Variants in DDX11 observed in about 807,000 individuals in gnomAD.
DDX11 encodes ATP-dependent DNA helicase DDX11.
Under a neutral mutation model 125.2 loss-of-function variants are expected in DDX11, and 72 were observed. That is an observed-to-expected ratio of 0.58 (90% confidence interval 0.48 to 0.70). The LOEUF is 0.70. Among genes scored for constraint, DDX11 ranks in the 30% least tolerant of loss-of-function variants. The probability of loss-of-function intolerance (pLI) is 0.00; values close to 1 mark genes in which losing one functional copy is unlikely to be tolerated. For missense variants in DDX11, 883 were observed against 1,165.0 expected (o/e 0.76, Z 3.52); for synonymous variants, 347 against 452.6 (o/e 0.77, Z 2.96).
chr12:31,085,753 T>C (rs1943010725), intron 5 of DDX11, among the ~76,000 whole-genome samples: 1 of 152,218 alleles, frequency 6.6e-6, no homozygotes, highest in South Asian at 2.1e-4. Context: ...AGTATGGCAC[T>C]GTCCAGATGC....
chr12:31,089,777 T>C (rs1452586052), intron 8 of DDX11, 109 bp from the exon 9 acceptor site: 27 of 1,531,820 alleles, frequency 1.8e-5, no homozygotes, highest in Non-Finnish European at 2.4e-5. Flanking sequence ...GAGGGTCTTA[T>C]AGACCCTACC....
rs1427634316 is a variant in DDX11 at position 31,096,879 on chromosome 12, G to A, written c.1651G>A (p.Glu551Lys). The change falls in exon 17 of 27, where the codon GAG becomes AAG. Residue 551 changes from glutamate (E) to lysine (K), a missense_variant. Transcript: ENST00000542838. ...TTEALAAPAD[E>K]SQASTLRPAS... ...TGCAGCTCTTGCAGCCCCTGCAGAC[G>A]AGAGTCAGGCCAGCACCCTGCGACC... is the stretch of plus-strand genomic sequence containing the variant. The A allele has an allele frequency of 1.5e-5, 24 of 1,614,046 alleles. No individual in the cohort carries two copies. The highest frequency in any genetic ancestry group is 5.0e-5 in the Admixed American group (3 of 59,998).
intron 16 of DDX11, 56 bp downstream of exon 16, chr12:31,096,801 G>T: frequency 6.2e-7 from 1 of 1,614,218 alleles, no homozygotes. Context: ...AAGGACTTCT[G>T]TTCCTCATGT....
intron 5 of DDX11, chr12:31,086,136 C>T (rs1943100445): frequency 2.2e-6 from 1 of 454,210 alleles, no homozygotes. Flanking sequence ...AGGATTTGCT[C>T]ATGCAACGTG....
chr12:31,079,781 C>T, intron 2 of DDX11, among the ~76,000 whole-genome samples: 1 of 152,190 alleles, frequency 6.6e-6, no homozygotes, highest in Non-Finnish European at 1.5e-5. Flanking sequence ...TACTGGTGCA[C>T]ACCACCATAC....
At chr12:31,099,310 A>G in intron 18 of DDX11, among the ~76,000 whole-genome samples, 1 of 126,902 alleles carries the variant, frequency 7.9e-6, no homozygotes, top group South Asian at 2.4e-4. Context: ...TGGTCTTGAA[A>G]TCAGGTGATC....
In DDX11 at chr12:31,101,743, A is replaced by C. The variant is rs1017032176; in HGVS notation, c.2053-90A>C. On this transcript the variant is annotated intron_variant, in intron 20 of 26. Coordinates refer to ENST00000542838, the MANE Select transcript of DDX11 (RefSeq NM_030653.4). The stretch of plus-strand genomic sequence containing the variant: ...GTAGTCCTGCCGAGGGTCTCTCCTC[A>C]GTTTTGAGTCTCAAGGTGAAGACGC... 1.3e-5 allele frequency: 21 copies of C among 1,566,400 alleles called. No homozygotes were observed. The African/African-American group carries it at 2.7e-4, about 20-fold the overall frequency.
chr12:31,074,489 C>T (rs555248779), intron 1 of DDX11, among the ~76,000 whole-genome samples: 128 of 152,282 alleles, frequency 8.4e-4, no homozygotes, highest in African/African-American at 2.9e-3. Context: ...GGAATCGAGG[C>T]GGAGCAGGGT....
chr12:31,077,672 C>T (rs528822204), intron 1 of DDX11, among the ~76,000 whole-genome samples: 2 of 152,026 alleles, frequency 1.3e-5, no homozygotes, highest in East Asian at 3.9e-4. Context: ...ACGGTGAAAC[C>T]CCGTCTCTAC....
chr12:31,088,579 T>A (rs1056936849), intron 6 of DDX11, among the ~76,000 whole-genome samples: 3 of 121,356 alleles, frequency 2.5e-5, no homozygotes, highest in Non-Finnish European at 5.0e-5. Flanking sequence ...AGGTATTTTC[T>A]TTGTATTTTC....
In DDX11 at chr12:31,083,812, G is replaced by A. The variant is rs905508904; in HGVS notation, c.145-1G>A. The A allele has an allele frequency of 2.5e-6, 4 of 1,611,830 alleles. No homozygotes were observed. The African/African-American group carries it at 5.3e-5, about 22-fold the overall frequency. On this transcript the variant is annotated splice_acceptor_variant, in intron 2 of 26. Transcript: ENST00000542838. LOFTEE classifies it high-confidence loss of function. Reference sequence around the variant, plus strand: ...TCTAAAGATCATTTTTCTTCCTGCAGGGGAAGTCCTTAAGTCTTATTTGTG... The same window carrying A: ...TCTAAAGATCATTTTTCTTCCTGCAAGGGAAGTCCTTAAGTCTTATTTGTG...
chr12:31,091,082 G>T (rs559432380), intron 9 of DDX11: 4 of 152,310 alleles, frequency 2.6e-5, no homozygotes, highest in Admixed American at 2.0e-4. Context: ...GCCCAGAAAA[G>T]TTAAGTGACT....
At chr12:31,096,267 T>G (rs1329146327) in intron 14 of DDX11, 74 bp from the exon 15 acceptor site, 47 of 1,467,744 alleles carry the variant, frequency 3.2e-5, no homozygotes, top group Non-Finnish European at 4.0e-5. Flanking sequence ...AGAAGTGGTG[T>G]TTTTTGTTTT....
At chr12:31,076,558 T>C (rs1439232718) in intron 1 of DDX11, among the ~76,000 whole-genome samples, 2 of 152,244 alleles carry the variant, frequency 1.3e-5, no homozygotes, top group Non-Finnish European at 2.9e-5. Context: ...TTCCACTTTT[T>C]AGCTGTGACT....
At chr12:31,097,421 T>C (rs1232381034) in intron 17 of DDX11, among the ~76,000 whole-genome samples, 1 of 135,014 alleles carries the variant, frequency 7.4e-6, no homozygotes, top group East Asian at 2.5e-4. Context: ...GGCTCACGCC[T>C]ATAATCCCAG....
At position 31,101,806 on chromosome 12, in the gene DDX11, C is replaced by G. The variant is rs745548340; in HGVS notation, c.2053-27C>G. 1.7e-5 allele frequency: 27 copies of G among 1,613,076 alleles called. No homozygotes were observed. The Admixed American group carries it at 4.5e-4, about 27-fold the overall frequency. ...GCTGAGGGGTTGCTCCATGGGGGCT[C>G]CCTCCCTCCCTCCTTTCCTTCCTTA... On this transcript the variant is annotated intron_variant, in intron 20 of 26. Coordinates refer to ENST00000542838, the MANE Select transcript of DDX11 (RefSeq NM_030653.4).
chr12:31,078,651 CTG>C, intron 2 of DDX11, 114 bp downstream of exon 2: 1 of 1,425,754 alleles, frequency 7.0e-7, no homozygotes, highest in South Asian at 1.2e-5. Flanking sequence ...AGAGTAGTCT[CTG>C]TTTATCTGAG....
chr12:31,102,496 GA>G lies in DDX11; in HGVS notation c.2343del (p.Ile783SerfsTer7), dbSNP rs749055034. 6.2e-7 allele frequency: 1 copy of G among 1,614,016 alleles called. No homozygotes were observed. Among genetic ancestry groups the G allele is most frequent in the Non-Finnish European group, 8.5e-7 (1 of 1,179,876 alleles). On this transcript the variant is annotated frameshift_variant, in exon 23 of 27. Coordinates refer to ENST00000542838, the MANE Select transcript of DDX11 (RefSeq NM_030653.4). LOFTEE classifies it high-confidence loss of function. ...LLSVVGGKMSEGINFSDNLGR... is the reference protein window; with the variant it reads ...LLSVVGGKMSXGINFSDNLGR... The stretch of plus-strand genomic sequence containing the variant: ...CTCTGTGGTTGGAGGAAAGATGAGT[GA>G]AGGGATCAACTTCTCTGACAACCTA...
intron 12 of DDX11, 113 bp downstream of exon 12, chr12:31,093,437 C>T (rs10843882): frequency 0.48 from 702,711 of 1,451,372 alleles, 176,393 homozygotes; most frequent in East Asian, 0.85. Context: ...AAGGGTCGGC[C>T]GGGTGCGGTG....
Sources: allele counts gnomAD v4.1 joint callset (sites outside exome capture counted in the v4.1 genomes callset), GRCh38; gene constraint gnomAD v4.1.1; transcripts MANE v1.5; gene names NCBI Gene and HGNC (gene_info 2026-07-23, HGNC 2026-07-21).